STPG2: variants seen among roughly 807,000 people sequenced by gnomAD.
The protein encoded by STPG2 is sperm-tail PG-rich repeat-containing protein 2.
STPG2 carries 56 observed loss-of-function variants against 54.2 expected under a neutral mutation model. That is an observed-to-expected ratio of 1.03 (90% CI 0.83 to 1.29). The LOEUF (loss-of-function observed/expected upper bound fraction) is 1.29. Among genes scored for constraint, STPG2 ranks in the 50% most tolerant of loss-of-function variants. The pLI is 0.00. For missense variants in STPG2, 596 were observed against 544.9 expected (o/e 1.09, Z -0.93); for synonymous variants, 200 against 181.8 (o/e 1.10, Z -0.81).
At chr4:97,965,480 G>A (rs1342151960) in intron 7 of STPG2, among the ~76,000 whole-genome samples, 1 of 152,192 alleles carries the variant, frequency 6.6e-6, no homozygotes, top group Non-Finnish European at 1.5e-5. Context: ...CAACTCTGAA[G>A]AGAGCAGTGG....
At chr4:97,751,366 T>C (rs1725576554) in intron 9 of STPG2, among the ~76,000 whole-genome samples, 1 of 151,786 alleles carries the variant, frequency 6.6e-6, no homozygotes, top group Non-Finnish European at 1.5e-5. Flanking sequence ...ATCACCAGTA[T>C]TGAAATTGCT....
chr4:97,919,632 G>T (rs1161654536), intron 8 of STPG2, among the ~76,000 whole-genome samples: 1 of 151,866 alleles, frequency 6.6e-6, no homozygotes, highest in Non-Finnish European at 1.5e-5. Flanking sequence ...AGAAGAAATA[G>T]TTCAATATTT....
chr4:97,823,139 T>A (rs1268306830), intron 9 of STPG2, among the ~76,000 whole-genome samples: 1 of 152,200 alleles, frequency 6.6e-6, no homozygotes, highest in African/African-American at 2.4e-5. Context: ...CTAACATCAT[T>A]TATGAAAGTG....
At chr4:97,729,810 CCAATTTATTTTAAAGTG>C (rs1724743225) in intron 9 of STPG2, among the ~76,000 whole-genome samples, 1 of 152,030 alleles carries the variant, frequency 6.6e-6, no homozygotes, top group Admixed American at 6.6e-5. Flanking sequence ...CTTTATAAAG[CCAATTTATTTTAAAGTG>C]CCTTTTTTTC....
intron 10 of STPG2, among the ~76,000 whole-genome samples, chr4:97,592,844 A>C (rs1023556069): frequency 3.3e-5 from 5 of 152,074 alleles, no homozygotes; most frequent in African/African-American, 1.2e-4. Context: ...CCCCAAGGGC[A>C]CTTGAGGTGG....
chr4:97,952,709 C>G (rs930798248), intron 7 of STPG2, among the ~76,000 whole-genome samples: 1 of 152,124 alleles, frequency 6.6e-6, no homozygotes, highest in African/African-American at 2.4e-5. Context: ...GAGATTCCTT[C>G]GTTATAAATA....
chr4:97,545,600 T>A (rs1731818724), intron 4 of STPG2, among the ~76,000 whole-genome samples: 1 of 152,150 alleles, frequency 6.6e-6, no homozygotes, highest in Non-Finnish European at 1.5e-5. Context: ...TTACCAGGGT[T>A]AGTCTAGGAC....
intron 5 of STPG2, among the ~76,000 whole-genome samples, chr4:98,051,088 A>T (rs1276309497): frequency 1.3e-5 from 2 of 152,148 alleles, no homozygotes; most frequent in Non-Finnish European, 2.9e-5. Context: ...CCCCATCAAC[A>T]GAAATCCAAA....
chr4:97,872,462 A>G (rs1409855290), intron 8 of STPG2, among the ~76,000 whole-genome samples: 1 of 151,284 alleles, frequency 6.6e-6, no homozygotes, highest in Non-Finnish European at 1.5e-5. Flanking sequence ...AATATCCTTC[A>G]CATACACAAA....
At position 98,094,552 on chromosome 4, in the gene STPG2, C is replaced by T. The variant is rs1228305060; in HGVS notation, c.612+11401G>A. Among the ~76,000 whole-genome samples, 4 of 152,190 alleles carry T rather than the reference C, an allele frequency of 2.6e-5. 1 individual carries two copies. The highest frequency in any genetic ancestry group is 6.5e-5 in the Admixed American group (1 of 15,286). ...AGCAGGCTTTTGGGGTCCCCGAGTC[C>T]AGGCCTAGGCTCTTGGACAGCATTT... is the stretch of plus-strand genomic sequence containing the variant. On this transcript the variant is annotated intron_variant, in intron 5 of 10. Coordinates refer to ENST00000295268, the MANE Select transcript of STPG2 (RefSeq NM_174952.3).
intron 5 of STPG2, among the ~76,000 whole-genome samples, chr4:98,076,606 C>T (rs1275795842): frequency 1.3e-5 from 2 of 152,088 alleles, no homozygotes; most frequent in Non-Finnish European, 2.9e-5. Context: ...AAGTTTATGT[C>T]CTTCCCTAAG....
At chr4:97,452,768 GAA>G (rs1729410054) in intron 4 of STPG2, among the ~76,000 whole-genome samples, 1 of 152,124 alleles carries the variant, frequency 6.6e-6, no homozygotes, top group Middle Eastern at 3.4e-3. Flanking sequence ...TGAGAGTTGG[GAA>G]AACAATGGGA....
chr4:97,932,116 G>T (rs1267986613), intron 8 of STPG2, among the ~76,000 whole-genome samples: 2 of 151,992 alleles, frequency 1.3e-5, no homozygotes, highest in African/African-American at 4.8e-5. Flanking sequence ...AATTGTGTTA[G>T]TTTGAATATT....
At chr4:97,590,638 G>GACACACAC (rs5860506) in intron 10 of STPG2, among the ~76,000 whole-genome samples, 7,127 of 138,344 alleles carry the variant, frequency 0.052, 195 homozygotes, top group South Asian at 0.08. Context: ...CAGACACACA[G>GACACACAC]ACACACACAC....
chr4:97,978,374 C>G (rs28416660), intron 6 of STPG2, among the ~76,000 whole-genome samples: 59,290 of 151,946 alleles, frequency 0.39, 11,691 homozygotes, highest in Middle Eastern at 0.46. Context: ...ATGGATGGAG[C>G]TACAGGCCAT....
At chr4:97,747,339 C>T (rs1725449627) in intron 9 of STPG2, among the ~76,000 whole-genome samples, 1 of 151,340 alleles carries the variant, frequency 6.6e-6, no homozygotes, top group South Asian at 2.1e-4. Context: ...TCTCAGGTCT[C>T]ACAATTATGA....
chr4:97,797,097 T>C (rs192382581), intron 9 of STPG2, among the ~76,000 whole-genome samples: 87 of 152,356 alleles, frequency 5.7e-4, no homozygotes, highest in African/African-American at 2.0e-3. Context: ...GCTGAGACAA[T>C]GGGGTTTTCT....
intron 10 of STPG2, among the ~76,000 whole-genome samples, chr4:97,689,721 C>T (rs1723305464): frequency 6.6e-6 from 1 of 151,994 alleles, no homozygotes; most frequent in African/African-American, 2.4e-5. Context: ...CCTTTAAGAA[C>T]CATATTTAGT....
intron 8 of STPG2, among the ~76,000 whole-genome samples, chr4:97,924,444 T>C (rs1336077576): frequency 6.6e-6 from 1 of 152,246 alleles, no homozygotes; most frequent in Non-Finnish European, 1.5e-5. Flanking sequence ...TAGTTTTGTA[T>C]ATAATTAGGA....
Sources: gnomAD v4.1 joint callset for allele counts (sites outside exome capture counted in the v4.1 genomes callset) on GRCh38, gnomAD v4.1.1 for gene constraint, MANE v1.5 for transcripts, NCBI Gene and HGNC (gene_info 2026-07-23, HGNC 2026-07-21) for gene names.